The following ADCY8 variants were observed in gnomAD, a reference collection of about 807,000 sequenced individuals.
The protein encoded by ADCY8 is adenylate cyclase type 8.
In ADCY8, 51 loss-of-function variants were observed where a neutral mutation model predicts 119.7. That is an observed-to-expected ratio of 0.43 (90% CI 0.34 to 0.54). ADCY8 has a LOEUF of 0.54. Ranked by LOEUF, ADCY8 falls within the 20% of genes least tolerant of loss-of-function variation. The pLI is 0.03. For synonymous variants in ADCY8, 665 were observed against 651.0 expected (o/e 1.02, Z -0.33); for missense variants, 1,383 against 1,598.8 (o/e 0.87, Z 2.30).
intron 13 of ADCY8, among the ~76,000 whole-genome samples, chr8:130,817,609 A>G (rs1816387282): frequency 6.6e-6 from 1 of 152,228 alleles, no homozygotes; most frequent in African/African-American, 2.4e-5. Context: ...AAGATGTGAC[A>G]CGTTTAGCTT....
intron 5 of ADCY8, among the ~76,000 whole-genome samples, chr8:130,914,772 G>A (rs770026179): frequency 6.6e-6 from 1 of 152,216 alleles, no homozygotes; most frequent in Admixed American, 6.5e-5. Context: ...CACAAATTAA[G>A]AGAAAAGGAC....
At chr8:130,807,412 C>T (rs1301487018) in intron 14 of ADCY8, among the ~76,000 whole-genome samples, 1 of 152,210 alleles carries the variant, frequency 6.6e-6, no homozygotes, top group African/African-American at 2.4e-5. Context: ...TATGTTGAAA[C>T]TTCACTGCCA....
intron 2 of ADCY8, among the ~76,000 whole-genome samples, chr8:130,952,773 T>C (rs977277997): frequency 2.6e-5 from 4 of 151,994 alleles, no homozygotes; most frequent in African/African-American, 9.7e-5. Context: ...TGAGATAAGA[T>C]TCATAGAACT....
intron 3 of ADCY8, among the ~76,000 whole-genome samples, chr8:130,948,876 A>G (rs1452308787): frequency 6.6e-6 from 1 of 152,092 alleles, no homozygotes. Flanking sequence ...AGCACCCTGC[A>G]GCCTCGCAGT....
rs1180207649 is a variant in ADCY8, at chr8:130,820,869, C to A, written c.2754+473G>T. Among the ~76,000 whole-genome samples the A allele has an allele frequency of 3.3e-5, 5 of 152,130 alleles. No homozygotes were observed. In the East Asian group the frequency reaches 9.6e-4, roughly 29 times the overall value. On this transcript the variant is annotated intron_variant, in intron 13 of 17. Transcript: ENST00000286355. ...ATCTGCAACGCTTCCTCAAGACAGC[C>A]CTATTTAGGTATTACTAATTTATTT...
At chr8:130,890,309 C>A (rs1746066410) in intron 7 of ADCY8, among the ~76,000 whole-genome samples, 1 of 151,972 alleles carries the variant, frequency 6.6e-6, no homozygotes, top group African/African-American at 2.4e-5. Context: ...ATGTAACTAA[C>A]CTGCACGTTG....
chr8:130,957,263 C>T (rs1221998703), intron 2 of ADCY8, among the ~76,000 whole-genome samples: 1 of 152,140 alleles, frequency 6.6e-6, no homozygotes, highest in Non-Finnish European at 1.5e-5. Flanking sequence ...GCAAAGGTGA[C>T]TCTTGTTGTG....
chr8:130,983,865 A>G (rs1822314692), intron 2 of ADCY8, among the ~76,000 whole-genome samples: 1 of 152,228 alleles, frequency 6.6e-6, no homozygotes, highest in Admixed American at 6.5e-5. Flanking sequence ...GACCAAATCA[A>G]ATCATTCAAT....
At chr8:130,890,154 G>A (rs1045269791) in intron 7 of ADCY8, among the ~76,000 whole-genome samples, 15 of 146,412 alleles carry the variant, frequency 1.0e-4, no homozygotes, top group Admixed American at 1.5e-4. Flanking sequence ...GAAGATTGTC[G>A]AACACATGGA....
At chr8:130,911,780 T>G (rs1451640984) in intron 5 of ADCY8, among the ~76,000 whole-genome samples, 1 of 150,604 alleles carries the variant, frequency 6.6e-6, no homozygotes, top group Non-Finnish European at 1.5e-5. Context: ...ATTAATAGAA[T>G]AGTTAATAAA....
At chr8:130,923,386 T>C (rs1586574741) in intron 5 of ADCY8, among the ~76,000 whole-genome samples, 1 of 152,370 alleles carries the variant, frequency 6.6e-6, no homozygotes, top group East Asian at 1.9e-4. Context: ...ATTTCTGTTT[T>C]TCGTTTCTTG....
intron 11 of ADCY8, among the ~76,000 whole-genome samples, chr8:130,836,803 G>A (rs1374957465): frequency 6.6e-6 from 1 of 151,950 alleles, no homozygotes; most frequent in Non-Finnish European, 1.5e-5. Flanking sequence ...GTATCATCTC[G>A]GCTTACTGCA....
chr8:130,987,996 T>C (rs1273383368), intron 2 of ADCY8, among the ~76,000 whole-genome samples: 1 of 152,228 alleles, frequency 6.6e-6, no homozygotes, highest in African/African-American at 2.4e-5. Context: ...TGCAAGGGCA[T>C]CTCACACAAA....
At chr8:130,977,628 A>C (rs1822112064) in intron 2 of ADCY8, among the ~76,000 whole-genome samples, 1 of 152,244 alleles carries the variant, frequency 6.6e-6, no homozygotes. Context: ...ACTATGTTTC[A>C]AGATTTGCAC....
chr8:130,912,797 C>T (rs1182746470), intron 5 of ADCY8, among the ~76,000 whole-genome samples: 1 of 151,992 alleles, frequency 6.6e-6, no homozygotes, highest in African/African-American at 2.4e-5. Context: ...TTTACTTTAA[C>T]TCCCAAGTTA....
At chr8:130,907,376 A>T (rs1036608910) in intron 6 of ADCY8, among the ~76,000 whole-genome samples, 7 of 152,186 alleles carry the variant, frequency 4.6e-5, no homozygotes, top group African/African-American at 1.7e-4. Context: ...GGAAAAATAT[A>T]TAACAATATC....
intron 12 of ADCY8, among the ~76,000 whole-genome samples, chr8:130,823,706 G>A (rs1309235025): frequency 2.0e-5 from 3 of 152,046 alleles, no homozygotes; most frequent in Non-Finnish European, 4.4e-5. Flanking sequence ...GCTAATTATA[G>A]TGAGTTTGGA....
chr8:130,940,206 CAGA>C (rs1466211857), intron 4 of ADCY8, among the ~76,000 whole-genome samples: 1 of 152,202 alleles, frequency 6.6e-6, no homozygotes, highest in Non-Finnish European at 1.5e-5. Flanking sequence ...AAGTAAGAGG[CAGA>C]AGAAGAATTC....
At chr8:130,863,093 G>A (rs1817997547) in intron 9 of ADCY8, among the ~76,000 whole-genome samples, 1 of 152,098 alleles carries the variant, frequency 6.6e-6, no homozygotes, top group South Asian at 2.1e-4. Context: ...ATAATAGTGG[G>A]TTTATTTATT....
Sources: gnomAD v4.1 joint callset for allele counts (sites outside exome capture counted in the v4.1 genomes callset) on GRCh38, gnomAD v4.1.1 for gene constraint, MANE v1.5 for transcripts, NCBI Gene and HGNC (gene_info 2026-07-23, HGNC 2026-07-21) for gene names.